Variants in IFT57 observed in about 807,000 individuals in gnomAD.
IFT57 encodes intraflagellar transport 57, also known as intraflagellar transport protein 57 homolog.
IFT57 carries 59 observed loss-of-function variants against 56.8 expected under a neutral mutation model. The observed-to-expected ratio is 1.04, with a 90% CI of 0.84 to 1.29. The LOEUF (loss-of-function observed/expected upper bound fraction) is 1.29, where lower values mean the gene tolerates loss of function less well. Among genes scored for constraint, IFT57 ranks in the 50% most tolerant of loss-of-function variants. The probability of loss-of-function intolerance (pLI) is 0.00; values close to 1 mark genes in which losing one functional copy is unlikely to be tolerated. For synonymous variants in IFT57, 209 were observed against 186.1 expected (o/e 1.12, Z -1.00); for missense variants, 470 against 522.1 (o/e 0.90, Z 0.97).
chr3:108,189,076 AC>A lies in IFT57; in HGVS notation c.777+2444del, dbSNP rs529161558. Among the ~76,000 whole-genome samples the A allele has an allele frequency of 5.3e-5, 8 of 152,328 alleles. No homozygotes were observed. In the South Asian group the frequency reaches 1.7e-3, roughly 32 times the overall value. On this transcript the variant is annotated intron_variant, in intron 6 of 10. Transcript: ENST00000264538. ...TATGAAAAGAATTTGTTCTGACAAA[AC>A]CAAAAAATCAGAAATCACATTTTTG...
rs1576054475 is a variant in IFT57 at position 108,222,013 on chromosome 3, C to T, written c.212+98G>A. ...CTAGGAAGACGGAGGCAAGGAATTGCTAACCCGCTCTCACGAAACTGGTTC... is the reference window on the plus strand; with the variant it reads ...CTAGGAAGACGGAGGCAAGGAATTGTTAACCCGCTCTCACGAAACTGGTTC... On this transcript the variant is annotated intron_variant, in intron 1 of 10. Transcript: ENST00000264538. The T allele has an allele frequency of 8.6e-6, 13 of 1,514,140 alleles. No individual in the cohort carries two copies. The East Asian group carries it at 2.2e-4, about 26-fold the overall frequency. 93.8% of individuals were successfully genotyped at this position (1,514,140 alleles called of 1,614,324 possible).
At chr3:108,197,361 C>G (rs796734748) in intron 5 of IFT57, among the ~76,000 whole-genome samples, 1 of 152,034 alleles carries the variant, frequency 6.6e-6, no homozygotes. Flanking sequence ...AATAATTGGT[C>G]CTAGGTAAAA....
At chr3:108,167,312 T>C (rs1198645629) in intron 7 of IFT57, 1 of 203,640 alleles carries the variant, frequency 4.9e-6, no homozygotes, top group Non-Finnish European at 9.8e-6. Context: ...TATAGCACGA[T>C]TCAAAGGTGA....
At chr3:108,207,457 C>A (rs1425986158) in intron 4 of IFT57, among the ~76,000 whole-genome samples, 1 of 151,898 alleles carries the variant, frequency 6.6e-6, no homozygotes, top group African/African-American at 2.4e-5. Flanking sequence ...TAGTAAGTAA[C>A]AAAAATTTAA....
chr3:108,218,233 A>G (rs534671622), intron 3 of IFT57, among the ~76,000 whole-genome samples: 2 of 150,448 alleles, frequency 1.3e-5, no homozygotes, highest in African/African-American at 4.9e-5. Context: ...CATATGTACA[A>G]GAGACTTTAA....
chr3:108,167,484 T>A (rs1261341509), intron 7 of IFT57, among the ~76,000 whole-genome samples: 1 of 151,820 alleles, frequency 6.6e-6, no homozygotes, highest in Admixed American at 6.6e-5. Flanking sequence ...CTTGCTGGTC[T>A]GGTGTTCTTT....
chr3:108,188,522 T>G (rs1180518887), intron 6 of IFT57, among the ~76,000 whole-genome samples: 1 of 152,154 alleles, frequency 6.6e-6, no homozygotes, highest in South Asian at 2.1e-4. Flanking sequence ...CACAAAGATC[T>G]AAATTCAAAA....
At chr3:108,172,828 C>A (rs1382642415) in intron 6 of IFT57, among the ~76,000 whole-genome samples, 2 of 151,728 alleles carry the variant, frequency 1.3e-5, no homozygotes, top group Non-Finnish European at 2.9e-5. Flanking sequence ...GTTAAAAATA[C>A]TAGGAATTTG....
chr3:108,178,078 A>G (rs1288508702), intron 6 of IFT57, among the ~76,000 whole-genome samples: 1 of 151,910 alleles, frequency 6.6e-6, no homozygotes, highest in Non-Finnish European at 1.5e-5. Flanking sequence ...ACCATTTTCA[A>G]TAGTATCAAA....
chr3:108,214,449 A>T (rs2080359851), intron 3 of IFT57, among the ~76,000 whole-genome samples: 1 of 152,158 alleles, frequency 6.6e-6, no homozygotes, highest in South Asian at 2.1e-4. Context: ...ATCATTACAC[A>T]TACCATTTAG....
At chr3:108,205,131 T>C (rs971993616) in intron 5 of IFT57, among the ~76,000 whole-genome samples, 1 of 152,132 alleles carries the variant, frequency 6.6e-6, no homozygotes, top group African/African-American at 2.4e-5. Context: ...CTATCTCCGT[T>C]ATCAAGGAGC....
At chr3:108,200,145 T>C (rs2080269689) in intron 5 of IFT57, among the ~76,000 whole-genome samples, 1 of 152,136 alleles carries the variant, frequency 6.6e-6, no homozygotes, top group Non-Finnish European at 1.5e-5. Context: ...CCATCAATCA[T>C]TGAATTCAGA....
intron 6 of IFT57, among the ~76,000 whole-genome samples, chr3:108,169,288 T>C (rs2080080111): frequency 6.6e-6 from 1 of 152,056 alleles, no homozygotes; most frequent in South Asian, 2.1e-4. Context: ...CATAAATGTC[T>C]TCTTCTGAGA....
chr3:108,167,894 TA>T, intron 6 of IFT57, 30 bp from the exon 7 acceptor site: 1 of 1,461,286 alleles, frequency 6.8e-7, no homozygotes, highest in Non-Finnish European at 9.3e-7. Flanking sequence ...AGAAATAATG[TA>T]AAAAATACTA....
chr3:108,192,950 G>A (rs2080224362), intron 5 of IFT57, among the ~76,000 whole-genome samples: 1 of 152,026 alleles, frequency 6.6e-6, no homozygotes, highest in African/African-American at 2.4e-5. Flanking sequence ...GAAAAAAAGG[G>A]AGGCGGCTTT....
intron 6 of IFT57, among the ~76,000 whole-genome samples, chr3:108,172,154 A>AT (rs1278993455): frequency 6.6e-6 from 1 of 151,824 alleles, no homozygotes; most frequent in Non-Finnish European, 1.5e-5. Context: ...AACTCCATGG[A>AT]GGGGCTGGTA....
chr3:108,175,636 A>G (rs1006781029), intron 6 of IFT57, among the ~76,000 whole-genome samples: 3 of 151,794 alleles, frequency 2.0e-5, no homozygotes, highest in South Asian at 2.1e-4. Context: ...GTGTATGAAG[A>G]GGCATTTTCT....
At chr3:108,219,788 C>T (rs1033332965) in intron 1 of IFT57, among the ~76,000 whole-genome samples, 2 of 152,050 alleles carry the variant, frequency 1.3e-5, no homozygotes, top group African/African-American at 4.8e-5. Context: ...TACTACTGTA[C>T]CCAAAATATT....
chr3:108,213,789 C>A, intron 4 of IFT57, 142 bp downstream of exon 4: 1 of 593,994 alleles, frequency 1.7e-6, no homozygotes, highest in Non-Finnish European at 3.0e-6. Context: ...AATGATGATA[C>A]TCAGCACTGT....
Sources: allele counts gnomAD v4.1 joint callset (sites outside exome capture counted in the v4.1 genomes callset), GRCh38; gene constraint gnomAD v4.1.1; transcripts MANE v1.5; gene names NCBI Gene and HGNC (gene_info 2026-07-23, HGNC 2026-07-21).